URGCP: variants seen among roughly 807,000 people sequenced by gnomAD.
URGCP encodes the protein up-regulator of cell proliferation.
Under a neutral mutation model 24.6 loss-of-function variants are expected in URGCP, and 13 were observed. The ratio of observed to expected loss-of-function variants is 0.53; its 90% confidence interval spans 0.34 to 0.84. The LOEUF is 0.84. URGCP is among the 40% of genes least tolerant of loss of function. The probability of loss-of-function intolerance (pLI) is 0.01; values close to 1 mark genes in which losing one functional copy is unlikely to be tolerated. For synonymous variants in URGCP, 444 were observed against 487.2 expected, an observed-to-expected ratio of 0.91 and a Z score of 1.17; for missense variants, 899 against 1,194.3, an observed-to-expected ratio of 0.75 and a Z score of 3.64.
chr7:43,925,395 A>C (rs1238337130), intron 1 of URGCP, among the ~76,000 whole-genome samples: 1 of 152,238 alleles, frequency 6.6e-6, no homozygotes, highest in Non-Finnish European at 1.5e-5. Context: ...AACATGTCTC[A>C]GTCTGAAGAT....
chr7:43,876,606 C>T lies in URGCP; in HGVS notation c.*61G>A, dbSNP rs2052059776. On this transcript the variant is annotated 3_prime_UTR_variant, in exon 6 of 6. Coordinates refer to ENST00000453200, the MANE Select transcript of URGCP (RefSeq NM_001077663.3). ...ACCAGAGCACAGCCCCACACGGGTG[C>T]CCCATCAGACAGGGCTGCCCACAGC... 8 of 1,548,354 alleles carry T rather than the reference C, an allele frequency of 5.2e-6. No individual in the cohort carries two copies. The South Asian group carries it at 7.3e-5, about 14-fold the overall frequency.
intron 1 of URGCP, among the ~76,000 whole-genome samples, chr7:43,891,852 G>C (rs182236134): frequency 1.3e-5 from 2 of 151,174 alleles, no homozygotes; most frequent in East Asian, 3.9e-4. Flanking sequence ...ACGCCATCTC[G>C]GCTCACTGTA....
At chr7:43,895,023 CTG>C (rs761115506) in intron 1 of URGCP, among the ~76,000 whole-genome samples, 7 of 152,036 alleles carry the variant, frequency 4.6e-5, no homozygotes, top group Non-Finnish European at 7.4e-5. Flanking sequence ...GAGAAAGACT[CTG>C]TCTCAAATTT....
At chr7:43,902,794 T>G (rs570089499) in intron 1 of URGCP, among the ~76,000 whole-genome samples, 3 of 152,038 alleles carry the variant, frequency 2.0e-5, no homozygotes, top group Non-Finnish European at 4.4e-5. Flanking sequence ...TTTAAGAGGA[T>G]CATTTGGCAG....
intron 1 of URGCP, among the ~76,000 whole-genome samples, chr7:43,914,134 C>T (rs996587902): frequency 6.6e-6 from 1 of 152,226 alleles, no homozygotes; most frequent in Non-Finnish European, 1.5e-5. Context: ...GCTGGTACTA[C>T]AGGTGCTTGC....
At chr7:43,905,430 G>A (rs1182981120) in intron 1 of URGCP, among the ~76,000 whole-genome samples, 2 of 152,116 alleles carry the variant, frequency 1.3e-5, no homozygotes, top group Non-Finnish European at 1.5e-5. Flanking sequence ...CCTGGTCCCG[G>A]AAATGACCAC....
At chr7:43,902,120 G>A (rs117231178) in intron 1 of URGCP, among the ~76,000 whole-genome samples, 3,056 of 150,884 alleles carry the variant, frequency 0.02, 51 homozygotes, top group Non-Finnish European at 0.03. Context: ...GAAGGGAGGA[G>A]GAGAGGGAGG....
upstream of URGCP, among the ~76,000 whole-genome samples, chr7:43,909,744 A>G (rs1156868488): frequency 6.7e-6 from 1 of 150,196 alleles, no homozygotes; most frequent in Non-Finnish European, 1.5e-5. Flanking sequence ...TTAAAAAATA[A>G]TAATAATAAA....
At chr7:43,923,246 T>G (rs1231903561) in intron 1 of URGCP, among the ~76,000 whole-genome samples, 1 of 151,182 alleles carries the variant, frequency 6.6e-6, no homozygotes. Flanking sequence ...CCTCCCAAAG[T>G]GCTGGAATTA....
At chr7:43,894,535 A>AT (rs199995065) in intron 1 of URGCP, among the ~76,000 whole-genome samples, 77 of 151,188 alleles carry the variant, frequency 5.1e-4, no homozygotes, top group Middle Eastern at 3.4e-3. Flanking sequence ...ATTATTTTTT[A>AT]TTTTTTTTAG....
rs988022602 is a variant in URGCP, at chr7:43,919,770, G to A, written c.-116+6362C>T. The A allele has an allele frequency of 4.9e-5, 66 of 1,357,596 alleles. No homozygotes were observed. The African/African-American group carries it at 8.9e-4, about 18-fold the overall frequency. The allele number at this position is 1,357,596 out of a possible 1,614,324, so 84.1% of individuals were successfully genotyped here. Reference sequence around the variant, plus strand: ...CCTGTTGGGCCCCACCAGCATCCAGGTGGCCCTGTCGAGGAAGTCTCCTTA... The same window carrying A: ...CCTGTTGGGCCCCACCAGCATCCAGATGGCCCTGTCGAGGAAGTCTCCTTA... On this transcript the variant is annotated intron_variant, in intron 1 of 5. Transcript: ENST00000426198.
At position 43,876,088 on chromosome 7, in the gene URGCP, T is replaced by TG. The variant is rs1393310528; in HGVS notation, c.*578dup. The TG allele has an allele frequency of 6.3e-6, 1 of 157,904 alleles. No individual in the cohort carries two copies. The highest frequency in any genetic ancestry group is 6.1e-5 in the Admixed American group (1 of 16,458). 9.8% of individuals were successfully genotyped at this position (157,904 alleles called of 1,614,324 possible). A position where few individuals can be genotyped will look rare whatever the true frequency, so the allele number is the denominator to read the frequency against. The stretch of plus-strand genomic sequence containing the variant: ...GTGGCAGAGGTATAACAAAGTGCTG[T>TG]GGGGCACAACAGAGCGACCAGTGAA... On this transcript the variant is annotated 3_prime_UTR_variant, in exon 6 of 6. Transcript: ENST00000453200.
rs747344525 is a variant in URGCP at position 43,877,140 on chromosome 7, C to A, written c.2323G>T (p.Ala775Ser). 1 of 1,614,194 alleles carries A rather than the reference C, an allele frequency of 6.2e-7. No homozygotes were observed. Among genetic ancestry groups the A allele is most frequent in the Non-Finnish European group, 8.5e-7 (1 of 1,180,022 alleles). ...TTGCTCAGTCCCATGAGCAGAGTGG[C>A]CAAGGAAGCCTCCAGCTCAAATCTG... The part of the protein sequence containing the change: ...GDRFELEASL[A>S]TLLMGLSNVT... The change falls in exon 6 of 6, where the codon GCC becomes TCC. Residue 775 changes from alanine to serine, a missense_variant. Coordinates refer to ENST00000453200, the MANE Select transcript of URGCP (RefSeq NM_001077663.3).
At chr7:43,895,931 A>G (rs1450937655) in intron 1 of URGCP, among the ~76,000 whole-genome samples, 3 of 152,256 alleles carry the variant, frequency 2.0e-5, no homozygotes, top group African/African-American at 7.2e-5. Flanking sequence ...TAGGGAATCA[A>G]TGTAACTGTC....
At chr7:43,891,869 G>A (rs1364112053) in intron 1 of URGCP, among the ~76,000 whole-genome samples, 1 of 151,516 alleles carries the variant, frequency 6.6e-6, no homozygotes, top group Non-Finnish European at 1.5e-5. Context: ...TGTAACCTAC[G>A]CCCCCAGGTT....
intron 1 of URGCP, among the ~76,000 whole-genome samples, chr7:43,896,948 G>C (rs1234293452): frequency 1.3e-5 from 2 of 152,018 alleles, no homozygotes; most frequent in Non-Finnish European, 2.9e-5. Context: ...CATATTTATT[G>C]CTAGGAACCT....
Position 43,919,988 on chromosome 7 carries a change from C to T in URGCP, c.-116+6144G>A, listed in dbSNP as rs566936775. 1.3e-3 allele frequency: 1,772 copies of T among 1,345,150 alleles called. 29 individuals carry two copies. In the South Asian group the frequency reaches 0.02, roughly 15 times the overall value. 83.3% of individuals were successfully genotyped at this position (1,345,150 alleles called of 1,614,324 possible). A position where few individuals can be genotyped will look rare whatever the true frequency, so the allele number is the denominator to read the frequency against. ...ACACAACACATCTAGGGAGATTGTG[C>T]AGCAGCTCATGGATGAGTACCACAT... On this transcript the variant is annotated intron_variant, in intron 1 of 5. Transcript: ENST00000426198.
chr7:43,910,696 A>G (rs144880900), upstream of URGCP: 1 of 152,148 alleles, frequency 6.6e-6, no homozygotes, highest in African/African-American at 2.4e-5. Flanking sequence ...CTTTACAAAT[A>G]ATAAACACAA....
At chr7:43,920,160 T>G in intron 1 of URGCP, 1 of 616,674 alleles carries the variant, frequency 1.6e-6, no homozygotes, top group South Asian at 2.0e-5. Context: ...CACACATCTC[T>G]TTCTCATATA....
Sources: allele counts gnomAD v4.1 joint callset (sites outside exome capture counted in the v4.1 genomes callset), GRCh38; gene constraint gnomAD v4.1.1; transcripts MANE v1.5; gene names NCBI Gene and HGNC (gene_info 2026-07-23, HGNC 2026-07-21).